The following RBPMS2 variants were observed in gnomAD, a reference collection of about 807,000 sequenced individuals.
The protein encoded by RBPMS2 is RNA binding protein, mRNA processing factor 2.
A neutral mutation model predicts 25.7 loss-of-function variants in RBPMS2; 14 were observed. That is an observed-to-expected ratio of 0.55 (90% CI 0.36 to 0.85). RBPMS2 has a LOEUF of 0.85. Among genes scored for constraint, RBPMS2 ranks in the 40% least tolerant of loss-of-function variants. The pLI is 0.01. For missense variants in RBPMS2, 252 were observed against 283.4 expected, an observed-to-expected ratio of 0.89 and a Z score of 0.80; for synonymous variants, 127 against 115.6, an observed-to-expected ratio of 1.10 and a Z score of -0.63.
intron 1 of RBPMS2, among the ~76,000 whole-genome samples, chr15:64,764,920 CAAA>C (rs34364733): frequency 7.7e-5 from 8 of 103,380 alleles, no homozygotes; most frequent in Admixed American, 1.0e-4. Flanking sequence ...GACTCCGTCT[CAAA>C]AAAAAAAAAA....
chr15:64,762,303 C>T (rs888205747), intron 1 of RBPMS2: 3 of 499,620 alleles, frequency 6.0e-6, no homozygotes, highest in Non-Finnish European at 1.2e-5. Context: ...ACTGTCAACT[C>T]CCCACAGCTG....
At chr15:64,764,716 C>T (rs938516001) in intron 1 of RBPMS2, among the ~76,000 whole-genome samples, 33 of 150,880 alleles carry the variant, frequency 2.2e-4, no homozygotes, top group Middle Eastern at 3.4e-3. Flanking sequence ...GAGATCGAGA[C>T]CATCCTGGCT....
In RBPMS2 at chr15:64,775,497, C is replaced by G. The variant is rs1595799006; in HGVS notation, c.-178G>C. On this transcript the variant is annotated 5_prime_UTR_variant, in exon 1 of 8. Coordinates refer to ENST00000300069, the MANE Select transcript of RBPMS2 (RefSeq NM_194272.3). Reference sequence around the variant, plus strand: ...CGGGCCAGGGTCACATCAAGTTTGGCGGGTGCGGAAGGTGGGGAGGGGGTG... The same window carrying G: ...CGGGCCAGGGTCACATCAAGTTTGGGGGGTGCGGAAGGTGGGGAGGGGGTG... The G allele has an allele frequency of 1.1e-5, 1 of 93,796 alleles. No individual in the cohort carries two copies. 5.8% of individuals were successfully genotyped at this position (93,796 alleles called of 1,614,324 possible). A position where few individuals can be genotyped will look rare whatever the true frequency, so the allele number is the denominator to read the frequency against.
chr15:64,758,553 A>G (rs2083754304), intron 1 of RBPMS2, among the ~76,000 whole-genome samples: 1 of 152,232 alleles, frequency 6.6e-6, no homozygotes, highest in Non-Finnish European at 1.5e-5. Flanking sequence ...TACCACAGAC[A>G]TGGCTGTGTG....
intron 1 of RBPMS2, among the ~76,000 whole-genome samples, chr15:64,763,049 T>C (rs1482202794): frequency 8.2e-6 from 1 of 122,116 alleles, no homozygotes; most frequent in Non-Finnish European, 1.7e-5. Flanking sequence ...TTGGTCGCCG[T>C]AGTGGGTAGG....
chr15:64,756,956 C>A (rs1389730337), intron 1 of RBPMS2, among the ~76,000 whole-genome samples: 2 of 149,748 alleles, frequency 1.3e-5, no homozygotes, highest in African/African-American at 4.9e-5. Flanking sequence ...GTGCGAGCCA[C>A]CATGCCCGGC....
intron 1 of RBPMS2, 70 bp from the exon 2 acceptor site, chr15:64,751,708 C>T: frequency 7.7e-7 from 1 of 1,295,496 alleles, no homozygotes; most frequent in East Asian, 2.3e-5. Flanking sequence ...GCGCTTCCTT[C>T]AGGCAGGCAA....
chr15:64,749,118 A>T lies in RBPMS2; in HGVS notation c.300T>A (p.Thr100=), dbSNP rs773321282. The T allele has an allele frequency of 1.2e-6, 2 of 1,614,178 alleles. No homozygotes were observed. The highest frequency in any genetic ancestry group is 1.7e-6 in the Non-Finnish European group (2 of 1,180,034). Residue 100 remains threonine (T), a synonymous_variant, in exon 5 of 8, where the codon ACT becomes ACA. Transcript: ENST00000300069. ...GIRFDPENPQ[T]LRLEFAKANT... The stretch of plus-strand genomic sequence containing the variant: ...TGGCTTTGGCAAACTCTAGCCTCAG[A>T]GTCTGTGGATTTTCGGGATCAAAGC...
intron 2 of RBPMS2, among the ~76,000 whole-genome samples, chr15:64,751,282 G>A (rs1203117623): frequency 1.3e-5 from 2 of 150,900 alleles, no homozygotes; most frequent in African/African-American, 4.9e-5. Context: ...GCAGTGAGCC[G>A]AGATCAAGCC....
chr15:64,769,672 A>G (rs144177665), intron 1 of RBPMS2, among the ~76,000 whole-genome samples: 4,219 of 152,096 alleles, frequency 0.028, 208 homozygotes, highest in African/African-American at 0.096. Flanking sequence ...AAATAAATAA[A>G]TAAATAAAAA....
chr15:64,744,798 G>GTTGTTT (rs2083601378), intron 6 of RBPMS2, among the ~76,000 whole-genome samples: 5 of 46,298 alleles, frequency 1.1e-4, no homozygotes, highest in African/African-American at 3.7e-4. Context: ...GGTTTGTTTT[G>GTTGTTT]TTTTTTTTTT....
chr15:64,749,399 A>T lies in RBPMS2; in HGVS notation c.267+32T>A, dbSNP rs2083653323. 8.9e-6 allele frequency: 14 copies of T among 1,580,874 alleles called. No individual in the cohort carries two copies. The East Asian group carries it at 3.1e-4, about 35-fold the overall frequency. On this transcript the variant is annotated intron_variant, in intron 4 of 7. Coordinates refer to ENST00000300069, the MANE Select transcript of RBPMS2 (RefSeq NM_194272.3). ...ACACCCACTGCCTAAGAGGGCTGTG[A>T]GTCAGAGAAGACCTGTTCTCCACCT... is the stretch of plus-strand genomic sequence containing the variant.
rs770780040 is a variant in RBPMS2, at chr15:64,741,213, G to A, written c.597C>T (p.Thr199=). The A allele has an allele frequency of 2.5e-6, 4 of 1,592,120 alleles. No individual in the cohort carries two copies. In the Admixed American group the frequency reaches 7.1e-5, roughly 28 times the overall value. ...ACTGACGGTACTTCCATCCTTGCTG[G>A]GTGGTGTCAGAGGAAGGGTACCAGC... The part of the protein sequence containing the change: ...QVRWYPSSDT[T]QQGWKYRQFC Residue 199 remains threonine (T), a synonymous_variant, in exon 7 of 8, where the codon ACC becomes ACT. Transcript: ENST00000300069.
chr15:64,768,447 T>G (rs1279863222), intron 1 of RBPMS2, among the ~76,000 whole-genome samples: 1 of 152,126 alleles, frequency 6.6e-6, no homozygotes, highest in East Asian at 1.9e-4. Context: ...GAGACCAGCC[T>G]GCCAACATGG....
rs370260267 is a variant in RBPMS2 at position 64,749,013 on chromosome 15, G to A, written c.405C>T (p.Ile135=). Residue 135 remains isoleucine, a synonymous_variant, in exon 5 of 8, where the codon ATC becomes ATT. Transcript: ENST00000300069. ...AGTGCCACTCACAGGGGTCCCGTGC[G>A]ATGAAGTGTGCTCCTAGGGCGGGGT... ...NVHPALGAHF[I]ARDPYDLMGA... is the part of the protein sequence containing the mutation. 66 of 1,614,094 alleles carry A rather than the reference G, an allele frequency of 4.1e-5. No individual in the cohort carries two copies. The highest frequency in any genetic ancestry group is 5.3e-5 in the African/African-American group (4 of 74,938).
rs1430480401 is a variant in RBPMS2 at position 64,749,059 on chromosome 15, G to A, written c.359C>T (p.Thr120Ile). 14 of 1,614,124 alleles carry A rather than the reference G, an allele frequency of 8.7e-6. No homozygotes were observed. The highest frequency in any genetic ancestry group is 1.2e-5 in the Non-Finnish European group (14 of 1,180,050). ...GGGGTGCACGTTGCTGGGATTTGGAGTTGCCATTAGCTTGCTCTTGGCCAT... is the reference window on the plus strand; with the variant it reads ...GGGGTGCACGTTGCTGGGATTTGGAATTGCCATTAGCTTGCTCTTGGCCAT... ...TKMAKSKLMA[T>I]PNPSNVHPAL... The change falls in exon 5 of 8, where the codon ACT becomes ATT. Residue 120 changes from threonine to isoleucine, a missense_variant. Transcript: ENST00000300069.
intron 1 of RBPMS2, among the ~76,000 whole-genome samples, chr15:64,771,283 G>A (rs1057362999): frequency 3.9e-5 from 6 of 152,132 alleles, no homozygotes; most frequent in Non-Finnish European, 5.9e-5. Flanking sequence ...GTATCACCTC[G>A]TACCGTTTAG....
intron 1 of RBPMS2, among the ~76,000 whole-genome samples, chr15:64,765,167 C>A (rs2083833168): frequency 7.9e-6 from 1 of 126,450 alleles, no homozygotes; most frequent in African/African-American, 3.0e-5. Context: ...GCGGAAGTTG[C>A]AGTGAGCCGA....
intron 1 of RBPMS2, among the ~76,000 whole-genome samples, chr15:64,764,244 G>A (rs62015693): frequency 6.6e-6 from 1 of 152,146 alleles, no homozygotes; most frequent in African/African-American, 2.4e-5. Context: ...CTGTGTGCCT[G>A]GCAAGGGTTG....
Sources: gnomAD v4.1 joint callset for allele counts (sites outside exome capture counted in the v4.1 genomes callset) on GRCh38, gnomAD v4.1.1 for gene constraint, MANE v1.5 for transcripts, NCBI Gene and HGNC (gene_info 2026-07-23, HGNC 2026-07-21) for gene names.